The following CRB1 variants were observed in gnomAD, a reference collection of about 807,000 sequenced individuals.
The protein encoded by CRB1 is protein crumbs homolog 1.
Under a neutral mutation model 120.0 loss-of-function variants are expected in CRB1, and 83 were observed. The ratio of observed to expected loss-of-function variants is 0.69; its 90% CI spans 0.58 to 0.83. The LOEUF (loss-of-function observed/expected upper bound fraction) is 0.83. Ranked by LOEUF, CRB1 falls within the 40% of genes least tolerant of loss-of-function variation. CRB1 has a pLI of 0.00. For missense variants in CRB1, 1,699 were observed against 1,687.6 expected (o/e 1.01, Z -0.12); for synonymous variants, 625 against 612.5 (o/e 1.02, Z -0.30).
chr1:197,454,445 T>C (rs1490452987), intron 11 of CRB1, among the ~76,000 whole-genome samples: 1 of 152,200 alleles, frequency 6.6e-6, no homozygotes, highest in Non-Finnish European at 1.5e-5. Context: ...GATTTCTGCT[T>C]CACCAAGTAT....
chr1:197,222,768 C>G, the CRB1 span: 1 of 1,120,350 alleles, frequency 8.9e-7, no homozygotes, highest in South Asian at 1.2e-5. Context: ...TCTTTCTGAA[C>G]TCCAAGTGCT....
intron 5 of CRB1, among the ~76,000 whole-genome samples, chr1:197,370,995 T>A (rs1385124225): frequency 2.0e-5 from 3 of 152,194 alleles, no homozygotes; most frequent in African/African-American, 4.8e-5. Context: ...CTGATAACCT[T>A]CCTAAAAACA....
intron 1 of CRB1, among the ~76,000 whole-genome samples, chr1:197,292,673 C>A (rs1369309007): frequency 6.6e-6 from 1 of 152,080 alleles, no homozygotes; most frequent in East Asian, 1.9e-4. Context: ...AAAATACTGG[C>A]AAACCGAATC....
At chr1:197,337,869 A>G (rs1436770473) in intron 2 of CRB1, among the ~76,000 whole-genome samples, 1 of 152,174 alleles carries the variant, frequency 6.6e-6, no homozygotes, top group African/African-American at 2.4e-5. Flanking sequence ...ATATCATAAA[A>G]TAAAGAACTA....
chr1:197,250,670 T>G, the CRB1 span, among the ~76,000 whole-genome samples: 1 of 152,036 alleles, frequency 6.6e-6, no homozygotes. Context: ...AGCTGGTGTT[T>G]GTTGGTATTA....
chr1:197,409,349 G>A (rs1663580334), intron 5 of CRB1, among the ~76,000 whole-genome samples: 1 of 151,882 alleles, frequency 6.6e-6, no homozygotes, highest in African/African-American at 2.4e-5. Context: ...TAATTCTTGT[G>A]GGAAAAATGT....
intron 7 of CRB1, 92 bp downstream of exon 7, chr1:197,428,093 A>G (rs1243053149): frequency 8.4e-7 from 1 of 1,188,430 alleles, no homozygotes; most frequent in Non-Finnish European, 1.2e-6. Flanking sequence ...CTTTGTATAT[A>G]AAGATGATGT....
intron 4 of CRB1, among the ~76,000 whole-genome samples, chr1:197,353,817 A>T (rs560203340): frequency 0.064 from 9,024 of 140,364 alleles, 679 homozygotes; most frequent in African/African-American, 0.21. Flanking sequence ...ATATAAATAA[A>T]AAAAAAAAAA....
intron 11 of CRB1, among the ~76,000 whole-genome samples, chr1:197,458,576 T>C (rs1666386958): frequency 2.0e-5 from 3 of 152,088 alleles, no homozygotes; most frequent in African/African-American, 7.2e-5. Flanking sequence ...TCCAATGTTC[T>C]GTCCTTTCAT....
intron 11 of CRB1, among the ~76,000 whole-genome samples, chr1:197,451,140 TGA>T (rs1322884885): frequency 2.6e-5 from 4 of 152,190 alleles, no homozygotes; most frequent in African/African-American, 9.7e-5. Flanking sequence ...AGAATCTGAA[TGA>T]CCGTATTTCA....
At chr1:197,366,101 C>T (rs1326810431) in intron 5 of CRB1, among the ~76,000 whole-genome samples, 1 of 151,864 alleles carries the variant, frequency 6.6e-6, no homozygotes, top group East Asian at 1.9e-4. Flanking sequence ...TCTTTATCTT[C>T]CTGATAGTAC....
In CRB1 at chr1:197,427,687, C is replaced by G; in HGVS notation, c.2362C>G (p.Leu788Val). ...NSPKLVVKFV[L>V]NDGNVHLISL... ...TCCCAAATTAGTAGTAAAATTTGTT[C>G]TTAATGATGGAAATGTCCACTTGAT... Residue 788 changes from leucine to valine, a missense_variant, in exon 7 of 12, where the codon CTT (leucine) becomes GTT (valine). Leu to Val is a conservative substitution (Grantham distance 32, BLOSUM62 1). Coordinates refer to ENST00000367400, the MANE Select transcript of CRB1 (RefSeq NM_201253.3). 1.2e-6 allele frequency: 2 copies of G among 1,613,848 alleles called. No individual in the cohort carries two copies. Among genetic ancestry groups the G allele is most frequent in the African/African-American group, 1.3e-5 (1 of 75,034 alleles).
the CRB1 span, among the ~76,000 whole-genome samples, chr1:197,236,693 C>T: frequency 6.6e-6 from 1 of 152,106 alleles, no homozygotes; most frequent in Non-Finnish European, 1.5e-5. Flanking sequence ...AGAAGTTCCC[C>T]TCTATCCCTG....
At chr1:197,214,874 G>GAA in the CRB1 span, among the ~76,000 whole-genome samples, 1 of 132,666 alleles carries the variant, frequency 7.5e-6, no homozygotes. Context: ...GGATACTGAA[G>GAA]AAAAAAAAAA....
At chr1:197,334,051 A>T (rs1468952936) in intron 2 of CRB1, among the ~76,000 whole-genome samples, 1 of 152,262 alleles carries the variant, frequency 6.6e-6, no homozygotes, top group Non-Finnish European at 1.5e-5. Context: ...GTTGGCATGC[A>T]TCAGACTCAC....
intron 5 of CRB1, among the ~76,000 whole-genome samples, chr1:197,413,600 T>G (rs913658123): frequency 6.6e-6 from 1 of 152,240 alleles, no homozygotes; most frequent in African/African-American, 2.4e-5. Flanking sequence ...TATCTGTGTT[T>G]AGATTTCCCA....
the CRB1 span, among the ~76,000 whole-genome samples, chr1:197,214,817 A>G: frequency 2.0e-5 from 3 of 152,190 alleles, no homozygotes; most frequent in Admixed American, 2.0e-4. Context: ...AATACCTCCA[A>G]ACTCTTTTCA....
At chr1:197,418,095 T>C (rs1664100664) in intron 5 of CRB1, among the ~76,000 whole-genome samples, 1 of 152,104 alleles carries the variant, frequency 6.6e-6, no homozygotes, top group African/African-American at 2.4e-5. Context: ...TGTTTCAAGA[T>C]AGGGTAGGAG....
At chr1:197,295,613 A>G (rs765261204) in intron 1 of CRB1, among the ~76,000 whole-genome samples, 13 of 151,968 alleles carry the variant, frequency 8.6e-5, no homozygotes, top group Non-Finnish European at 1.8e-4. Context: ...GAATGACACA[A>G]CTCAAGCCTT....
Sources: gnomAD v4.1 joint callset for allele counts (sites outside exome capture counted in the v4.1 genomes callset) on GRCh38, gnomAD v4.1.1 for gene constraint, MANE v1.5 for transcripts, NCBI Gene and HGNC (gene_info 2026-07-23, HGNC 2026-07-21) for gene names.